The following SHROOM3 variants were observed in gnomAD, a reference collection of about 807,000 sequenced individuals.
SHROOM3 encodes shroom family member 3, also known as protein Shroom3.
In SHROOM3, 47 loss-of-function variants were observed where a neutral mutation model predicts 138.6. That is an observed-to-expected ratio of 0.34 (90% CI 0.27 to 0.43). SHROOM3 has a LOEUF of 0.43. Among genes scored for constraint, SHROOM3 ranks in the 20% least tolerant of loss-of-function variants. The pLI is 1.00. For synonymous variants in SHROOM3, 1,062 were observed against 1,063.3 expected (o/e 1.00, Z 0.02); for missense variants, 2,491 against 2,596.5 (o/e 0.96, Z 0.88).
chr4:76,757,416 GTGTACTTGCCGGTTC>G (rs1721853722), intron 8 of SHROOM3, among the ~76,000 whole-genome samples: 1 of 152,208 alleles, frequency 6.6e-6, no homozygotes, highest in South Asian at 2.1e-4. Context: ...CTCAGCAAAG[GTGTACTTGCCGGTTC>G]TGTATCAGAG....
chr4:76,693,378 T>TTTTTTTG (rs556630843), intron 2 of SHROOM3, among the ~76,000 whole-genome samples: 10,960 of 132,044 alleles, frequency 0.083, 668 homozygotes, highest in East Asian at 0.24. Flanking sequence ...TTGTTTTTTT[T>TTTTTTTG]TTTTTTTTTT....
intron 6 of SHROOM3, 80 bp downstream of exon 6, chr4:76,749,170 T>C: frequency 7.5e-7 from 1 of 1,339,208 alleles, no homozygotes; most frequent in South Asian, 1.2e-5. Context: ...CTACAAGAAA[T>C]TGAAATGTGA....
intron 1 of SHROOM3, among the ~76,000 whole-genome samples, chr4:76,460,309 A>G (rs1313886353): frequency 2.6e-5 from 4 of 152,208 alleles, no homozygotes; most frequent in Admixed American, 1.3e-4. Flanking sequence ...AATCTGGTAT[A>G]GCATAGTGAT....
chr4:76,639,152 T>C (rs1045651958), intron 2 of SHROOM3, among the ~76,000 whole-genome samples: 1 of 152,186 alleles, frequency 6.6e-6, no homozygotes, highest in Admixed American at 6.5e-5. Flanking sequence ...AGACTAGCTC[T>C]AGTTATAAGG....
intron 10 of SHROOM3, among the ~76,000 whole-genome samples, chr4:76,772,663 C>T (rs1722403827): frequency 6.6e-6 from 1 of 152,128 alleles, no homozygotes; most frequent in African/African-American, 2.4e-5. Flanking sequence ...GAAGTGTGTC[C>T]TGTCCTCCTT....
intron 3 of SHROOM3, among the ~76,000 whole-genome samples, chr4:76,721,328 T>A (rs1720547910): frequency 1.3e-5 from 2 of 152,074 alleles, no homozygotes; most frequent in African/African-American, 4.8e-5. Flanking sequence ...AAAAAAGAAT[T>A]TCTGCAGACA....
intron 2 of SHROOM3, among the ~76,000 whole-genome samples, chr4:76,659,905 A>G (rs1736146739): frequency 1.3e-5 from 2 of 152,252 alleles, no homozygotes; most frequent in African/African-American, 4.8e-5. Context: ...TTACAAAACA[A>G]GAAAAGATGG....
chr4:76,593,246 A>C (rs1418736245), intron 2 of SHROOM3, among the ~76,000 whole-genome samples: 1 of 152,208 alleles, frequency 6.6e-6, no homozygotes, highest in Non-Finnish European at 1.5e-5. Flanking sequence ...ATGCTTCAGG[A>C]GAGGCTGATT....
At chr4:76,495,692 A>G (rs1731951160) in intron 1 of SHROOM3, among the ~76,000 whole-genome samples, 1 of 152,092 alleles carries the variant, frequency 6.6e-6, no homozygotes, top group African/African-American at 2.4e-5. Context: ...ATGTGGGGAG[A>G]GGGAATAGAC....
intron 2 of SHROOM3, among the ~76,000 whole-genome samples, chr4:76,672,496 A>G (rs969135034): frequency 6.6e-6 from 1 of 151,654 alleles, no homozygotes; most frequent in Non-Finnish European, 1.5e-5. Context: ...AGCTTAAACT[A>G]TGTGGCAAGT....
chr4:76,593,539 C>T (rs1734319549), intron 2 of SHROOM3, among the ~76,000 whole-genome samples: 1 of 152,254 alleles, frequency 6.6e-6, no homozygotes. Context: ...TTCACAAGTT[C>T]CACTATTTTT....
chr4:76,502,051 T>C (rs1480370339), intron 1 of SHROOM3, among the ~76,000 whole-genome samples: 1 of 152,024 alleles, frequency 6.6e-6, no homozygotes, highest in African/African-American at 2.4e-5. Context: ...AATTAATCCA[T>C]TGATGGATTA....
chr4:76,777,247 T>C (rs1380456038), intron 10 of SHROOM3, among the ~76,000 whole-genome samples: 1 of 152,240 alleles, frequency 6.6e-6, no homozygotes, highest in Non-Finnish European at 1.5e-5. Flanking sequence ...TATGTTTCCA[T>C]TTGTGTGTGT....
At chr4:76,719,328 T>C (rs1032170480) in intron 3 of SHROOM3, among the ~76,000 whole-genome samples, 8 of 152,178 alleles carry the variant, frequency 5.3e-5, no homozygotes, top group Admixed American at 3.9e-4. Flanking sequence ...TAAAATCATA[T>C]CTGATATCTG....
At chr4:76,644,232 T>G (rs1735757190) in intron 2 of SHROOM3, 1 of 151,666 alleles carries the variant, frequency 6.6e-6, no homozygotes, top group Non-Finnish European at 1.5e-5. Flanking sequence ...ATCATACTGT[T>G]TTGTAACATG....
At chr4:76,486,834 T>A (rs1731741255) in intron 1 of SHROOM3, among the ~76,000 whole-genome samples, 1 of 152,316 alleles carries the variant, frequency 6.6e-6, no homozygotes, top group East Asian at 1.9e-4. Context: ...ATCTTGCATA[T>A]TTCATTATTA....
At chr4:76,657,168 A>ACTCT (rs369556375) in intron 2 of SHROOM3, among the ~76,000 whole-genome samples, 13 of 143,618 alleles carry the variant, frequency 9.1e-5, no homozygotes, top group African/African-American at 2.3e-4. Flanking sequence ...CAAGAGCGAA[A>ACTCT]CTCTCTCTCT....
chr4:76,560,827 G>A (rs1037147151), intron 2 of SHROOM3, among the ~76,000 whole-genome samples: 4 of 152,216 alleles, frequency 2.6e-5, no homozygotes, highest in Admixed American at 1.3e-4. Flanking sequence ...TGGGTTTGAA[G>A]TCTGATGGCA....
chr4:76,745,959 C>G (rs1721421776), intron 5 of SHROOM3, among the ~76,000 whole-genome samples: 1 of 152,136 alleles, frequency 6.6e-6, no homozygotes, highest in African/African-American at 2.4e-5. Flanking sequence ...CCAGCCTGGG[C>G]AACAGAGCAA....
Sources: gnomAD v4.1 joint callset for allele counts (sites outside exome capture counted in the v4.1 genomes callset) on GRCh38, gnomAD v4.1.1 for gene constraint, MANE v1.5 for transcripts, NCBI Gene and HGNC (gene_info 2026-07-23, HGNC 2026-07-21) for gene names.